MYH2: variants seen among roughly 807,000 people sequenced by gnomAD.
MYH2 encodes the protein myosin heavy chain 2.
Under a neutral mutation model 228.1 loss-of-function variants are expected in MYH2, and 139 were observed. The ratio of observed to expected loss-of-function variants is 0.61; its 90% confidence interval spans 0.53 to 0.70. MYH2 has a LOEUF of 0.70. MYH2 is among the 30% of genes least tolerant of loss of function. The probability of loss-of-function intolerance (pLI) is 0.00; values close to 1 mark genes in which losing one functional copy is unlikely to be tolerated. For missense variants in MYH2, 1,809 were observed against 2,357.5 expected, an observed-to-expected ratio of 0.77 and a Z score of 4.82; for synonymous variants, 796 against 871.1, an observed-to-expected ratio of 0.91 and a Z score of 1.52.
intron 18 of MYH2, 25 bp from the exon 19 acceptor site, chr17:10,535,215 G>A (rs2073469217): frequency 6.2e-7 from 1 of 1,613,744 alleles, no homozygotes; most frequent in Admixed American, 1.7e-5. Flanking sequence ...TTATTTCACT[G>A]CAGAGCTGTT....
Position 10,543,720 on chromosome 17 carries a change from G to A in MYH2, c.732C>T (p.Ser244=), listed in dbSNP as rs1237023527. 2 of 1,614,198 alleles carry A rather than the reference G, an allele frequency of 1.2e-6. No homozygotes were observed. The highest frequency in any genetic ancestry group is 1.7e-5 in the Admixed American group (1 of 60,026). The change falls in exon 8 of 40, where the codon TCC becomes TCT. Residue 244 remains serine (S), a synonymous_variant. Transcript: ENST00000245503. ...GNAKTVRNDN[S]SRFGKFIRIH... ...TGTCCAAGAGACTTACAAAGCGAGA[G>A]GAGTTGTCATTCCTCACGGTCTTGG... is the stretch of plus-strand genomic sequence containing the variant.
intron 8 of MYH2, 27 bp from the exon 9 acceptor site, chr17:10,543,188 C>CT (rs563412255): frequency 3.4e-5 from 51 of 1,513,230 alleles, no homozygotes; most frequent in Admixed American, 5.2e-5. Context: ...ATATTACTAC[C>CT]TTTTTTTTAT....
Position 10,525,129 on chromosome 17 carries a change from G to A in MYH2, c.4663-64C>T. 6.2e-7 allele frequency: 1 copy of A among 1,613,740 alleles called. No individual in the cohort carries two copies. Among genetic ancestry groups the A allele is most frequent in the Non-Finnish European group, 8.5e-7 (1 of 1,179,766 alleles). On this transcript the variant is annotated intron_variant, in intron 33 of 39. Transcript: ENST00000245503. The surrounding 1 kb of genome is among the most constrained non-coding windows in gnomAD (Gnocchi z 4.2). ...AAGCTTTATGAAGTTTTTCTGCACA[G>A]CAATAATTTTGTGCTATGTGTCTTT...
intron 12 of MYH2, 92 bp from the exon 13 acceptor site, chr17:10,539,654 G>T: frequency 1.5e-6 from 2 of 1,358,184 alleles, no homozygotes; most frequent in Non-Finnish European, 1.0e-6. Flanking sequence ...ATTTTGTGCA[G>T]TGTTTTAAAT....
At position 10,537,693 on chromosome 17, in the gene MYH2, A is replaced by G. The variant is rs2073499633; in HGVS notation, c.1559T>C (p.Leu520Pro). Residue 520 changes from leucine (L) to proline (P), a missense_variant, in exon 15 of 40, where the codon CTG becomes CCG. Physicochemically the swap from Leu to Pro is moderately conservative, Grantham distance 98. Coordinates refer to ENST00000245503, the MANE Select transcript of MYH2 (RefSeq NM_017534.6). The surrounding 1 kb of genome is among the most constrained non-coding windows in gnomAD (Gnocchi z 4.0). ...EWTFIDFGMD[L>P]AACIELIEKP... is the part of the protein sequence containing the mutation. ...CTCGATGAGCTCGATGCAGGCAGCCAGGTCCATCCCGAAGTCGATGAACGT... is the reference window on the plus strand; with the variant it reads ...CTCGATGAGCTCGATGCAGGCAGCCGGGTCCATCCCGAAGTCGATGAACGT... The G allele has an allele frequency of 6.2e-7, 1 of 1,614,110 alleles. No individual in the cohort carries two copies. The highest frequency in any genetic ancestry group is 1.7e-5 in the Admixed American group (1 of 60,014).
Position 10,525,012 on chromosome 17 carries a change from G to A in MYH2, c.4716C>T (p.Asn1572=). The A allele has an allele frequency of 6.2e-7, 1 of 1,614,026 alleles. No individual in the cohort carries two copies. Among genetic ancestry groups the A allele is most frequent in the Middle Eastern group, 1.6e-4 (1 of 6,062 alleles). The change falls in exon 34 of 40, where the codon AAC becomes AAT. Residue 1572 remains asparagine (N), a synonymous_variant. Transcript: ENST00000245503. This position sits in a 1 kb window ranked among gnomAD's most constrained non-coding sequence, Gnocchi z 4.2. ...GKILRIQLEL[N]QVKSEVDRKI... ...TCCTATCAACCTCAGACTTGACTTG[G>A]TTCAACTCAAGCTGGATGCGCAGGA...
At position 10,535,062 on chromosome 17, in the gene MYH2, G is replaced by A. The variant is rs2073467291; in HGVS notation, c.2180+11C>T. 2 of 1,613,190 alleles carry A rather than the reference G, an allele frequency of 1.2e-6. No homozygotes were observed. The highest frequency in any genetic ancestry group is 4.5e-5 in the East Asian group (2 of 44,876). On this transcript the variant is annotated intron_variant, in intron 19 of 39. Coordinates refer to ENST00000245503, the MANE Select transcript of MYH2 (RefSeq NM_017534.6). ...AAACTTCAGAATACACCATAATCAG[G>A]AGAAACTGACCTCTGTTTGAAGTCT...
intron 37 of MYH2, 41 bp from the exon 38 acceptor site, chr17:10,523,453 G>A (rs372922168): frequency 6.1e-5 from 99 of 1,614,014 alleles, no homozygotes; most frequent in Non-Finnish European, 7.8e-5. Flanking sequence ...ATCCAATAAG[G>A]CACTGAAAGC....
rs747316413 is a variant in MYH2 at position 10,527,075 on chromosome 17, G to T, written c.3872-19C>A. On this transcript the variant is annotated intron_variant, in intron 28 of 39. Transcript: ENST00000245503. Reference sequence around the variant, plus strand: ...AACTCACCTGATGGACAAAAGAAATGGCACCATTTTTTAGGTGAAAAACAA... The same window carrying T: ...AACTCACCTGATGGACAAAAGAAATTGCACCATTTTTTAGGTGAAAAACAA... 2.5e-6 allele frequency: 4 copies of T among 1,604,772 alleles called. No homozygotes were observed. Among genetic ancestry groups the T allele is most frequent in the Non-Finnish European group, 3.4e-6 (4 of 1,171,566 alleles).
chr17:10,543,047 T>G lies in MYH2; in HGVS notation c.805+51A>C. 3 of 1,593,784 alleles carry G rather than the reference T, an allele frequency of 1.9e-6. No individual in the cohort carries two copies. In the East Asian group the frequency reaches 6.7e-5, roughly 36 times the overall value. On this transcript the variant is annotated intron_variant, in intron 9 of 39. Coordinates refer to ENST00000245503, the MANE Select transcript of MYH2 (RefSeq NM_017534.6). ...CATGCGAATTTGATTTTTGGTCAGT[T>G]TTTTAGGTCATATGAATCAGAAATG...
chr17:10,522,935 G>C (rs1463495082), intron 39 of MYH2, among the ~76,000 whole-genome samples, 155 bp downstream of exon 39: 1 of 151,894 alleles, frequency 6.6e-6, no homozygotes, highest in Non-Finnish European at 1.5e-5. Context: ...TTAAAATGAA[G>C]CTACTGATAT....
At chr17:10,536,395 A>T in intron 17 of MYH2, 135 bp downstream of exon 17, 1 of 663,178 alleles carries the variant, frequency 1.5e-6, no homozygotes. Flanking sequence ...AAGTAATTTT[A>T]ATAAATGTAA....
At chr17:10,528,365 G>C (rs138153295) in intron 27 of MYH2, among the ~76,000 whole-genome samples, 3 of 152,018 alleles carry the variant, frequency 2.0e-5, no homozygotes, top group African/African-American at 7.2e-5. Flanking sequence ...CTTTATGTAC[G>C]ATGAAACTTT....
chr17:10,537,408 G>A lies in MYH2; in HGVS notation c.1722C>T (p.Gly574=), dbSNP rs1365921232. 2 of 1,614,068 alleles carry A rather than the reference G, an allele frequency of 1.2e-6. No individual in the cohort carries two copies. Among genetic ancestry groups the A allele is most frequent in the African/African-American group, 2.7e-5 (2 of 74,924 alleles). Residue 574 remains glycine (G), a synonymous_variant, in exon 16 of 40, where the codon GGC becomes GGT. Transcript: ENST00000245503. The surrounding 1 kb of genome is among the most constrained non-coding windows in gnomAD (Gnocchi z 4.0). Reference sequence around the variant, plus strand: ...TCAGAGCGAAGTGGGCCTCGGCCTTGCCTTTGACCACCTTGGGCTTCTGGA... The same window carrying A: ...TCAGAGCGAAGTGGGCCTCGGCCTTACCTTTGACCACCTTGGGCTTCTGGA... ...ANFQKPKVVK[G]KAEAHFALIH...
rs2073494009 is a variant in MYH2, at chr17:10,537,381, A to G, written c.1749T>C (p.Ile583=). The change falls in exon 16 of 40, where the codon ATT becomes ATC. Residue 583 remains isoleucine (I), a synonymous_variant. Transcript: ENST00000245503. The surrounding 1 kb of genome is among the most constrained non-coding windows in gnomAD (Gnocchi z 4.0). ...KGKAEAHFAL[I]HYAGVVDYNI... ...TGTAGTCCACAACACCAGCATAGTG[A>G]ATCAGAGCGAAGTGGGCCTCGGCCT... The G allele has an allele frequency of 3.1e-6, 5 of 1,614,166 alleles. No individual in the cohort carries two copies. The highest frequency in any genetic ancestry group is 4.2e-6 in the Non-Finnish European group (5 of 1,180,020).
rs772229215 is a variant in MYH2 at position 10,537,615 on chromosome 17, G to A, written c.1587+50C>T. Reference sequence around the variant, plus strand: ...GTCTATAGAATTAAAATAAAAAGCAGCGAATAATATAGTTGCCGCAAAATA... The same window carrying A: ...GTCTATAGAATTAAAATAAAAAGCAACGAATAATATAGTTGCCGCAAAATA... On this transcript the variant is annotated intron_variant, in intron 15 of 39. Transcript: ENST00000245503. This position sits in a 1 kb window ranked among gnomAD's most constrained non-coding sequence, Gnocchi z 4.0. 1.2e-5 allele frequency: 20 copies of A among 1,614,146 alleles called. No individual in the cohort carries two copies. Among genetic ancestry groups the A allele is most frequent in the Non-Finnish European group, 1.6e-5 (19 of 1,180,038 alleles).
Position 10,528,877 on chromosome 17 carries a change from T to G in MYH2, c.3557A>C (p.Glu1186Ala), listed in dbSNP as rs1171879020. 6.2e-7 allele frequency: 1 copy of G among 1,614,224 alleles called. No individual in the cohort carries two copies. Among genetic ancestry groups the G allele is most frequent in the Non-Finnish European group, 8.5e-7 (1 of 1,180,046 alleles). The change falls in exon 27 of 40, where the codon GAG becomes GCG. Residue 1186 changes from glutamate (E) to alanine (A), a missense_variant. Glu to Ala is a moderately radical substitution (Grantham distance 107). Coordinates refer to ENST00000245503, the MANE Select transcript of MYH2 (RefSeq NM_017534.6). Reference protein sequence around the residue: ...EFQKMRRDLEEATLQHEATAA... With the variant: ...EFQKMRRDLEAATLQHEATAA... ...TGTGGCTTCATGCTGTAGGGTGGCC[T>G]CCTCCAGGTCCCTGCGCATTTTCTG...
chr17:10,533,699 A>G, intron 19 of MYH2, 67 bp from the exon 20 acceptor site: 5 of 1,558,352 alleles, frequency 3.2e-6, no homozygotes, highest in South Asian at 1.1e-5. Context: ...TAAACATTAA[A>G]TGATTCATTT....
intron 12 of MYH2, 84 bp downstream of exon 12, chr17:10,539,844 C>T: frequency 2.5e-6 from 4 of 1,580,624 alleles, no homozygotes; most frequent in Non-Finnish European, 3.5e-6. Flanking sequence ...GTGAATTTAC[C>T]TTCCCTAGGA....
Sources: gnomAD v4.1 joint callset for allele counts (sites outside exome capture counted in the v4.1 genomes callset) on GRCh38, gnomAD v4.1.1 for gene constraint, Gnocchi (gnomAD v3.1) non-coding constraint, MANE v1.5 for transcripts, NCBI Gene and HGNC (gene_info 2026-07-23, HGNC 2026-07-21) for gene names.